Variants in LRIF1 observed in about 807,000 individuals in gnomAD.
LRIF1 encodes ligand-dependent nuclear receptor-interacting factor 1.
Under a neutral mutation model 52.7 loss-of-function variants are expected in LRIF1, and 32 were observed. The observed-to-expected ratio is 0.61, with a 90% CI of 0.46 to 0.82. LRIF1 has a LOEUF of 0.82. Among genes scored for constraint, LRIF1 ranks in the 40% least tolerant of loss-of-function variants. LRIF1 has a pLI of 0.00. For synonymous variants in LRIF1, 323 were observed against 317.4 expected, an observed-to-expected ratio of 1.02 and a Z score of -0.19; for missense variants, 887 against 892.0, an observed-to-expected ratio of 0.99 and a Z score of 0.07.
the LRIF1 span, among the ~76,000 whole-genome samples, chr1:110,910,115 A>G: frequency 7.6e-4 from 115 of 152,280 alleles, no homozygotes; most frequent in African/African-American, 2.6e-3. Flanking sequence ...ACAGTTTCAC[A>G]GATCATCAAC....
In LRIF1 at chr1:110,952,018, A is replaced by G. The variant is rs1658500761; in HGVS notation, c.866T>C (p.Val289Ala). The change falls in exon 2 of 4, where the codon GTG (valine) becomes GCG (alanine). Residue 289 changes from valine to alanine, a missense_variant. Transcript: ENST00000369763. ...KGGQHSQAAP[V>A]KWIFQDNLQP... ...TAGATTATCTTGGAAAATCCATTTC[A>G]CTGGAGCAGCTTGAGAATGCTGACC... The G allele has an allele frequency of 1.2e-6, 2 of 1,614,196 alleles. No homozygotes were observed. The highest frequency in any genetic ancestry group is 1.7e-6 in the Non-Finnish European group (2 of 1,180,020).
intron 1 of LRIF1, among the ~76,000 whole-genome samples, chr1:110,961,084 A>G (rs1431250961): frequency 2.6e-5 from 4 of 152,252 alleles, no homozygotes; most frequent in African/African-American, 9.6e-5. Flanking sequence ...AGTTCTCTGC[A>G]TAAGCATATC....
the LRIF1 span, chr1:110,941,161 A>C: frequency 6.6e-6 from 1 of 152,072 alleles, no homozygotes; most frequent in East Asian, 1.9e-4. Flanking sequence ...AAAGAAGATA[A>C]AAAACAAGAT....
chr1:110,914,401 T>A, the LRIF1 span, among the ~76,000 whole-genome samples: 2 of 152,074 alleles, frequency 1.3e-5, no homozygotes, highest in African/African-American at 2.4e-5. Flanking sequence ...GCATGAAGAA[T>A]CAATTCAAAG....
chr1:110,875,391 T>C, the LRIF1 span, among the ~76,000 whole-genome samples: 2 of 152,146 alleles, frequency 1.3e-5, no homozygotes, highest in African/African-American at 2.4e-5. Context: ...TGATGGGATG[T>C]GGGTTTGAAA....
At chr1:110,959,351 G>A (rs1394762514) in intron 1 of LRIF1, among the ~76,000 whole-genome samples, 1 of 152,106 alleles carries the variant, frequency 6.6e-6, no homozygotes, top group African/African-American at 2.4e-5. Context: ...AAGCTTACTA[G>A]GAGAAGTAAA....
Position 110,951,940 on chromosome 1 carries a change from G to C in LRIF1, c.944C>G (p.Ser315Ter). 6.2e-7 allele frequency: 1 copy of C among 1,613,874 alleles called. No individual in the cohort carries two copies. Among genetic ancestry groups the C allele is most frequent in the Non-Finnish European group, 8.5e-7 (1 of 1,179,968 alleles). ...VPVKSSNNVASKILKTFVDRK... is the reference protein window; with the variant it reads ...VPVKSSNNVA ...ATCTACAAAAGTTTTTAAAATCTTTGAAGCCACATTATTTGAAGACTTAAC... is the reference window on the plus strand; with the variant it reads ...ATCTACAAAAGTTTTTAAAATCTTTCAAGCCACATTATTTGAAGACTTAAC... Residue 315 changes from serine to a stop codon, truncating the protein, a stop_gained, in exon 2 of 4, where the codon TCA becomes TGA. Coordinates refer to ENST00000369763, the MANE Select transcript of LRIF1 (RefSeq NM_018372.4). LOFTEE classifies it high-confidence loss of function.
the LRIF1 span, among the ~76,000 whole-genome samples, chr1:110,918,702 A>G: frequency 6.6e-6 from 1 of 152,212 alleles, no homozygotes; most frequent in Non-Finnish European, 1.5e-5. Context: ...CCAAAAATGT[A>G]TTGAGCATTT....
the LRIF1 span, among the ~76,000 whole-genome samples, chr1:110,935,670 A>T: frequency 6.6e-6 from 1 of 152,188 alleles, no homozygotes; most frequent in East Asian, 1.9e-4. Flanking sequence ...AAAAAAGAAT[A>T]AAAAACAATA....
At chr1:110,889,572 A>AAAT in the LRIF1 span, among the ~76,000 whole-genome samples, 1 of 151,676 alleles carries the variant, frequency 6.6e-6, no homozygotes, top group Non-Finnish European at 1.5e-5. Flanking sequence ...ATAAATAAAT[A>AAAT]AATAAATAAA....
At chr1:110,886,720 G>C in the LRIF1 span, among the ~76,000 whole-genome samples, 7 of 151,474 alleles carry the variant, frequency 4.6e-5, no homozygotes, top group Non-Finnish European at 7.4e-5. Flanking sequence ...ATGGTGGCAC[G>C]TGCTGTGGTC....
chr1:110,936,010 T>C, the LRIF1 span, among the ~76,000 whole-genome samples: 1 of 151,720 alleles, frequency 6.6e-6, no homozygotes, highest in East Asian at 1.9e-4. Flanking sequence ...GACTTTCCAG[T>C]GGAAAACTTA....
intron 1 of LRIF1, among the ~76,000 whole-genome samples, chr1:110,956,611 A>G (rs1469637745): frequency 6.6e-6 from 1 of 152,214 alleles, no homozygotes; most frequent in Non-Finnish European, 1.5e-5. Flanking sequence ...TAGATGCAGC[A>G]ATTTCATCTA....
At chr1:110,875,582 C>T in the LRIF1 span, among the ~76,000 whole-genome samples, 1 of 152,294 alleles carries the variant, frequency 6.6e-6, no homozygotes, top group South Asian at 2.1e-4. Context: ...CAGCCTAGGG[C>T]ACTTCTTGTA....
At chr1:110,896,959 T>C in the LRIF1 span, among the ~76,000 whole-genome samples, 1 of 152,170 alleles carries the variant, frequency 6.6e-6, no homozygotes, top group Non-Finnish European at 1.5e-5. Context: ...CACTAGACTA[T>C]TACATTAGAG....
chr1:110,897,521 A>G, the LRIF1 span: 1 of 265,740 alleles, frequency 3.8e-6, no homozygotes, highest in African/African-American at 2.2e-5. Context: ...AGACAGTAGG[A>G]CGTCGGTTGC....
At chr1:110,899,814 A>G in the LRIF1 span, 1 of 152,750 alleles carries the variant, frequency 6.5e-6, no homozygotes, top group African/African-American at 2.4e-5. Context: ...TCAACCAGTC[A>G]CTTAGCTGAT....
At chr1:110,887,667 A>G in the LRIF1 span, among the ~76,000 whole-genome samples, 4 of 152,124 alleles carry the variant, frequency 2.6e-5, no homozygotes, top group Non-Finnish European at 5.9e-5. Context: ...GTTCCCTATT[A>G]CTGAGGCTAC....
At chr1:110,892,685 T>C in the LRIF1 span, 6 of 670,622 alleles carry the variant, frequency 8.9e-6, no homozygotes, top group South Asian at 3.7e-5. Context: ...CCCAGACCAA[T>C]AGTATATTAT....
Sources: allele counts gnomAD v4.1 joint callset (sites outside exome capture counted in the v4.1 genomes callset), GRCh38; gene constraint gnomAD v4.1.1; transcripts MANE v1.5; gene names NCBI Gene and HGNC (gene_info 2026-07-23, HGNC 2026-07-21).